Variants in LRP1B observed in about 807,000 individuals in gnomAD.
LRP1B encodes the protein low-density lipoprotein receptor-related protein 1B.
A neutral mutation model predicts 556.6 loss-of-function variants in LRP1B; 217 were observed. The ratio of observed to expected loss-of-function variants is 0.39; its 90% CI spans 0.35 to 0.44. LRP1B has a LOEUF of 0.44. Ranked by LOEUF, LRP1B falls within the 20% of genes least tolerant of loss-of-function variation. The pLI is 1.00. For synonymous variants in LRP1B, 2,047 were observed against 1,865.8 expected (o/e 1.10, Z -2.50); for missense variants, 5,053 against 5,620.8 (o/e 0.90, Z 3.23).
intron 89 of LRP1B, among the ~76,000 whole-genome samples, chr2:140,236,886 G>C (rs1680728729): frequency 6.6e-6 from 1 of 150,856 alleles, no homozygotes; most frequent in Admixed American, 6.6e-5. Flanking sequence ...CATTTGATTA[G>C]AGCATTATTT....
intron 27 of LRP1B, among the ~76,000 whole-genome samples, chr2:140,856,413 T>C (rs1692619319): frequency 6.6e-6 from 1 of 152,262 alleles, no homozygotes; most frequent in Non-Finnish European, 1.5e-5. Context: ...CTTGCTGTCC[T>C]ATTTTCTAAT....
chr2:140,529,412 G>A (rs981562561), intron 47 of LRP1B, among the ~76,000 whole-genome samples: 2 of 136,092 alleles, frequency 1.5e-5, no homozygotes, highest in South Asian at 2.7e-4. Flanking sequence ...TACCCAACTC[G>A]TAGCAAAGGG....
intron 3 of LRP1B, among the ~76,000 whole-genome samples, chr2:141,449,615 TG>T (rs1319805596): frequency 2.1e-4 from 5 of 24,332 alleles, no homozygotes; most frequent in Admixed American, 6.9e-4. Context: ...CTAAGATATA[TG>T]TGCAAGAAAA....
intron 7 of LRP1B, among the ~76,000 whole-genome samples, chr2:141,154,909 A>T (rs1232018137): frequency 6.6e-6 from 1 of 151,972 alleles, no homozygotes; most frequent in Non-Finnish European, 1.5e-5. Flanking sequence ...TCAGGGAAAG[A>T]GTTCAGTATA....
chr2:140,491,931 G>A (rs917875812), intron 57 of LRP1B, among the ~76,000 whole-genome samples: 4 of 152,168 alleles, frequency 2.6e-5, no homozygotes, highest in Non-Finnish European at 4.4e-5. Context: ...CACAAGGAAA[G>A]TCTGAAAACA....
At chr2:140,397,431 T>C (rs935479961) in intron 66 of LRP1B, among the ~76,000 whole-genome samples, 2 of 152,162 alleles carry the variant, frequency 1.3e-5, no homozygotes, top group South Asian at 2.1e-4. Flanking sequence ...ATTAGACTTG[T>C]ATTCCTTGGA....
At chr2:142,060,754 C>A (rs1406635804) in intron 1 of LRP1B, among the ~76,000 whole-genome samples, 1 of 151,936 alleles carries the variant, frequency 6.6e-6, no homozygotes, top group Non-Finnish European at 1.5e-5. Context: ...TAAACAATTG[C>A]AAAATAAAAT....
intron 82 of LRP1B, among the ~76,000 whole-genome samples, chr2:140,316,965 T>C (rs909896520): frequency 6.6e-6 from 1 of 152,080 alleles, no homozygotes; most frequent in African/African-American, 2.4e-5. Flanking sequence ...AGTAGCATTC[T>C]TATTCAGCAT....
At chr2:141,803,520 A>C (rs1310435427) in intron 2 of LRP1B, among the ~76,000 whole-genome samples, 1 of 152,068 alleles carries the variant, frequency 6.6e-6, no homozygotes, top group Non-Finnish European at 1.5e-5. Context: ...AAAGAGACAT[A>C]AACTGTCCTC....
At chr2:140,982,527 A>T (rs1288499895) in intron 17 of LRP1B, among the ~76,000 whole-genome samples, 1 of 152,140 alleles carries the variant, frequency 6.6e-6, no homozygotes, top group African/African-American at 2.4e-5. Flanking sequence ...CCCTCACACA[A>T]TTCCATAAAT....
chr2:141,925,828 C>A (rs964720934), intron 1 of LRP1B, among the ~76,000 whole-genome samples: 2 of 152,114 alleles, frequency 1.3e-5, no homozygotes, highest in African/African-American at 2.4e-5. Flanking sequence ...AGACTACAGA[C>A]TTTGGACTTC....
intron 1 of LRP1B, among the ~76,000 whole-genome samples, chr2:141,980,141 G>C (rs1196354440): frequency 2.0e-5 from 3 of 152,094 alleles, no homozygotes; most frequent in Non-Finnish European, 4.4e-5. Flanking sequence ...AAGCTGAACT[G>C]CTTACTCTTG....
At chr2:141,927,406 TTTC>T (rs146612554) in intron 1 of LRP1B, among the ~76,000 whole-genome samples, 37 of 152,248 alleles carry the variant, frequency 2.4e-4, no homozygotes, top group African/African-American at 8.7e-4. Context: ...TTAATTTACT[TTTC>T]TTCATCTTTT....
intron 1 of LRP1B, among the ~76,000 whole-genome samples, chr2:141,906,025 T>C (rs1472979035): frequency 2.0e-5 from 3 of 147,602 alleles, no homozygotes; most frequent in African/African-American, 5.1e-5. Flanking sequence ...TGTGTGTGTG[T>C]CTGTGTGTAT....
At chr2:140,555,693 TA>T (rs1436335276) in intron 43 of LRP1B, among the ~76,000 whole-genome samples, 6 of 152,106 alleles carry the variant, frequency 3.9e-5, no homozygotes, top group African/African-American at 1.4e-4. Flanking sequence ...AAAATCAACT[TA>T]AAAATTAACT....
intron 3 of LRP1B, among the ~76,000 whole-genome samples, chr2:141,342,821 T>C (rs964268514): frequency 6.6e-5 from 10 of 152,162 alleles, no homozygotes; most frequent in African/African-American, 2.2e-4. Context: ...CCAGGAGAAC[T>C]TCCTCAACCT....
intron 83 of LRP1B, among the ~76,000 whole-genome samples, chr2:140,313,808 C>T (rs1485124589): frequency 6.6e-6 from 1 of 151,692 alleles, no homozygotes; most frequent in East Asian, 1.9e-4. Context: ...AACTAGCCTC[C>T]CTTAACAGAA....
intron 1 of LRP1B, among the ~76,000 whole-genome samples, chr2:141,905,765 ATGTGTG>A (rs56309590): frequency 0.049 from 4,903 of 100,254 alleles, 136 homozygotes; most frequent in Middle Eastern, 0.091. Flanking sequence ...GTTTGAATAG[ATGTGTG>A]TGTGTGTGTG....
At chr2:140,679,370 G>A (rs1035081144) in intron 41 of LRP1B, among the ~76,000 whole-genome samples, 1 of 152,100 alleles carries the variant, frequency 6.6e-6, no homozygotes, top group East Asian at 1.9e-4. Flanking sequence ...CTGTTCATCT[G>A]TCTGGTCAAC....
Sources: gnomAD v4.1 joint callset for allele counts (sites outside exome capture counted in the v4.1 genomes callset) on GRCh38, gnomAD v4.1.1 for gene constraint, MANE v1.5 for transcripts, NCBI Gene and HGNC (gene_info 2026-07-23, HGNC 2026-07-21) for gene names.